JAK2: variants seen among roughly 807,000 people sequenced by gnomAD.
The protein encoded by JAK2 is Janus kinase 2.
JAK2 carries 86 observed loss-of-function variants against 139.3 expected under a neutral mutation model. That is an observed-to-expected ratio of 0.62 (90% CI 0.52 to 0.74). JAK2 has a LOEUF of 0.74. Among genes scored for constraint, JAK2 ranks in the 30% least tolerant of loss-of-function variants. JAK2 has a pLI of 0.00. For missense variants in JAK2, 1,421 were observed against 1,360.3 expected (o/e 1.04, Z -0.70); for synonymous variants, 490 against 437.7 (o/e 1.12, Z -1.49).
chr9:5,050,591 A>G (rs955349256), intron 5 of JAK2, 95 bp from the exon 6 acceptor site: 15 of 1,289,984 alleles, frequency 1.2e-5, no homozygotes, highest in African/African-American at 6.1e-5. Context: ...TTGTAAATGC[A>G]TATGTTCTGA....
At chr9:5,014,710 G>C (rs1821930865) in intron 2 of JAK2, among the ~76,000 whole-genome samples, 1 of 152,120 alleles carries the variant, frequency 6.6e-6, no homozygotes, top group Non-Finnish European at 1.5e-5. Flanking sequence ...ATTTAGGAGG[G>C]AAAATCCTGT....
At chr9:5,125,194 G>A (rs1413937384) in intron 23 of JAK2, among the ~76,000 whole-genome samples, 2 of 150,934 alleles carry the variant, frequency 1.3e-5, no homozygotes, top group Admixed American at 6.6e-5. Flanking sequence ...TTCATTTTGT[G>A]TATAAAAGTA....
intron 2 of JAK2, among the ~76,000 whole-genome samples, chr9:4,996,416 CTA>C (rs1381117059): frequency 1.3e-5 from 2 of 151,408 alleles, no homozygotes; most frequent in Non-Finnish European, 2.9e-5. Flanking sequence ...CCATTGCACT[CTA>C]GCCTGGGCAA....
chr9:5,031,339 A>G (rs1309985268), intron 4 of JAK2, among the ~76,000 whole-genome samples: 1 of 152,240 alleles, frequency 6.6e-6, no homozygotes, highest in African/African-American at 2.4e-5. Flanking sequence ...ATCTATTATT[A>G]AAGCCACATA....
chr9:5,087,860 G>C (rs1365074294), intron 19 of JAK2, among the ~76,000 whole-genome samples: 1 of 152,168 alleles, frequency 6.6e-6, no homozygotes, highest in Non-Finnish European at 1.5e-5. Flanking sequence ...GCAATGACAT[G>C]ACTGTATTTA....
At chr9:5,029,991 T>A in intron 4 of JAK2, 85 bp downstream of exon 4, 1 of 1,167,144 alleles carries the variant, frequency 8.6e-7, no homozygotes, top group Non-Finnish European at 1.2e-6. Flanking sequence ...GCAAGGTACT[T>A]AATACCAGAT....
chr9:5,072,678 C>G (rs1190569995), intron 13 of JAK2, 52 bp downstream of exon 13: 6 of 1,369,012 alleles, frequency 4.4e-6, no homozygotes, highest in Non-Finnish European at 5.9e-6. Context: ...TAAAGATGTG[C>G]TCTCATATGC....
chr9:5,074,192 T>C (rs1001144565), intron 14 of JAK2, among the ~76,000 whole-genome samples: 1 of 152,140 alleles, frequency 6.6e-6, no homozygotes, highest in African/African-American at 2.4e-5. Flanking sequence ...ATGATTATGT[T>C]GATATGATAC....
intron 14 of JAK2, among the ~76,000 whole-genome samples, chr9:5,074,407 A>G (rs80010199): frequency 0.01 from 1,531 of 152,230 alleles, 18 homozygotes; most frequent in African/African-American, 0.035. Flanking sequence ...TCCCAACAGC[A>G]TGTGCTCATT....
At chr9:5,083,582 G>GC (rs1819865952) in intron 19 of JAK2, among the ~76,000 whole-genome samples, 1 of 151,646 alleles carries the variant, frequency 6.6e-6, no homozygotes, top group Non-Finnish European at 1.5e-5. Flanking sequence ...TTGTTTGCTT[G>GC]CCCTTTTTTT....
chr9:5,085,288 T>G, intron 19 of JAK2: 1 of 712,590 alleles, frequency 1.4e-6, no homozygotes, highest in Non-Finnish European at 2.7e-6. Context: ...TTTGCCTATG[T>G]TAGAACATGA....
rs1373444626 is a variant in JAK2, at chr9:5,072,724, G to GT, written c.1776+99dup. 7 of 927,826 alleles carry GT rather than the reference G, an allele frequency of 7.5e-6. No homozygotes were observed. In the East Asian group the frequency reaches 1.2e-4, roughly 16 times the overall value. The allele number at this position is 927,826 out of a possible 1,614,324, so 57.5% of individuals were successfully genotyped here. On this transcript the variant is annotated intron_variant, in intron 13 of 24. Transcript: ENST00000381652. ...CTCATGTGTGCAGCTTTTCAAAATT[G>GT]TAATTTTTAAATGTGTCAAGGACTT...
Position 5,128,083 on chromosome 9 carries a change from TGTG to T in JAK2, c.*1293_*1295del, listed in dbSNP as rs1564031380. On this transcript the variant is annotated 3_prime_UTR_variant, in exon 25 of 25. Coordinates refer to ENST00000381652, the MANE Select transcript of JAK2 (RefSeq NM_004972.4). ...CTAAAATAAAATATGGTGGGTTTTG[TGTG>T]TGTGTGTGTGTGTGTGTGTGTGTGT... The T allele has an allele frequency of 0.019, 102 of 5,428 alleles. No homozygotes were observed. In the East Asian group the frequency reaches 0.3, roughly 16 times the overall value. The allele number at this position is 5,428 out of a possible 1,614,324, so 0.3% of individuals were successfully genotyped here.
chr9:5,036,408 C>T (rs918041321), intron 4 of JAK2, among the ~76,000 whole-genome samples: 8 of 152,094 alleles, frequency 5.3e-5, no homozygotes, highest in African/African-American at 1.9e-4. Context: ...AAAAAGAGCC[C>T]ACATTGCCAA....
At chr9:4,999,230 C>T (rs1161869954) in intron 2 of JAK2, among the ~76,000 whole-genome samples, 1 of 152,130 alleles carries the variant, frequency 6.6e-6, no homozygotes, top group Admixed American at 6.5e-5. Context: ...TATGGCTGTT[C>T]TTAATCTTTT....
Position 5,080,632 on chromosome 9 carries a change from A to G in JAK2, c.2383A>G (p.Arg795Gly), listed in dbSNP as rs2130608829. Residue 795 changes from arginine to glycine, a missense_variant, in exon 18 of 25, where the codon AGG (arginine) becomes GGG (glycine). Physicochemically the swap from Arg to Gly is moderately radical, Grantham distance 125 (BLOSUM62 -2). Transcript: ENST00000381652. The part of the protein sequence containing the change: ...NNCMDYEPDF[R>G]PSFRAIIRDL... ...TTGTATGGATTATGAACCAGATTTC[A>G]GGCCTTCTTTCAGAGCCATCATACG... 1 of 1,604,382 alleles carries G rather than the reference A, an allele frequency of 6.2e-7. No individual in the cohort carries two copies. Among genetic ancestry groups the G allele is most frequent in the Non-Finnish European group, 8.5e-7 (1 of 1,177,098 alleles).
At chr9:5,086,142 C>CGGCGGCCCT in intron 19 of JAK2, 1 of 386,482 alleles carries the variant, frequency 2.6e-6, no homozygotes, top group Non-Finnish European at 4.3e-6. Flanking sequence ...CCGGCGGCCC[C>CGGCGGCCCT]GCAAGGCTCG....
Position 5,080,529 on chromosome 9 carries a change from A to G in JAK2, c.2284-4A>G, listed in dbSNP as rs1461447749. 6.3e-7 allele frequency: 1 copy of G among 1,579,106 alleles called. No individual in the cohort carries two copies. Among genetic ancestry groups the G allele is most frequent in the Non-Finnish European group, 8.6e-7 (1 of 1,169,544 alleles). ...ATTCTCAGTTTGTGGTTCTTTAATT[A>G]TAGAAGCTACAATTTTATGAAGATA... is the stretch of plus-strand genomic sequence containing the variant. On this transcript the variant is annotated splice_region_variant and splice_polypyrimidine_tract_variant and intron_variant, in intron 17 of 24. Transcript: ENST00000381652.
intron 3 of JAK2, among the ~76,000 whole-genome samples, chr9:5,028,237 A>T (rs1037728733): frequency 6.6e-6 from 1 of 152,226 alleles, no homozygotes; most frequent in African/African-American, 2.4e-5. Flanking sequence ...TTCAATGTAC[A>T]TCTTCATCAG....
Sources: allele counts gnomAD v4.1 joint callset (sites outside exome capture counted in the v4.1 genomes callset), GRCh38; gene constraint gnomAD v4.1.1; transcripts MANE v1.5; gene names NCBI Gene and HGNC (gene_info 2026-07-23, HGNC 2026-07-21).